The following FOXM1 variants were observed in gnomAD, a reference collection of about 807,000 sequenced individuals.
FOXM1 encodes forkhead box protein M1.
A neutral mutation model predicts 63.6 loss-of-function variants in FOXM1; 25 were observed. That is an observed-to-expected ratio of 0.39 (90% confidence interval 0.29 to 0.55). The LOEUF (loss-of-function observed/expected upper bound fraction) is 0.55. Among genes scored for constraint, FOXM1 ranks in the 20% least tolerant of loss-of-function variants. The pLI is 0.60. For missense variants in FOXM1, 879 were observed against 958.7 expected (o/e 0.92, Z 1.10); for synonymous variants, 387 against 376.9 (o/e 1.03, Z -0.31).
Position 2,872,362 on chromosome 12 carries a change from CA to C in FOXM1, c.503-116del, listed in dbSNP as rs1455822156. 1 of 1,107,042 alleles carries C rather than the reference CA, an allele frequency of 9.0e-7. No homozygotes were observed. Among genetic ancestry groups the C allele is most frequent in the Non-Finnish European group, 1.3e-6 (1 of 759,458 alleles). The allele number at this position is 1,107,042 out of a possible 1,614,324, so 68.6% of individuals were successfully genotyped here. On this transcript the variant is annotated intron_variant, in intron 2 of 8. Coordinates refer to ENST00000359843, the MANE Select transcript of FOXM1 (RefSeq NM_021953.4). The surrounding 1 kb of genome is among the most constrained non-coding windows in gnomAD (Gnocchi z 4.0). Reference sequence around the variant, plus strand: ...CAGTGGCTCACACCTGTAATCCTAGCACTTTGGGAGGGCGAGGCGGGTGGAT... The same window carrying C: ...CAGTGGCTCACACCTGTAATCCTAGCCTTTGGGAGGGCGAGGCGGGTGGAT...
chr12:2,858,830 G>C lies in FOXM1; in HGVS notation c.2100C>G (p.Pro700=), dbSNP rs757898539. ...GNSSPSDIDV[P]KPGSPEPQVS... is the part of the protein sequence containing the mutation. ...CCTGTGGCTCCGGGGAGCCTGGCTT[G>C]GGGACGTCTATATCTGAGGGAGAAG... is the stretch of plus-strand genomic sequence containing the variant. The change falls in exon 9 of 9, where the codon CCC becomes CCG. Residue 700 remains proline, a synonymous_variant. Transcript: ENST00000359843. 11 of 1,614,214 alleles carry C rather than the reference G, an allele frequency of 6.8e-6. No individual in the cohort carries two copies. Among genetic ancestry groups the C allele is most frequent in the Non-Finnish European group, 9.3e-6 (11 of 1,180,040 alleles).
chr12:2,875,446 G>A (rs1465198097), intron 1 of FOXM1, among the ~76,000 whole-genome samples: 3 of 152,208 alleles, frequency 2.0e-5, no homozygotes, highest in Non-Finnish European at 4.4e-5. Flanking sequence ...GAAGGCCCAT[G>A]TAAAGTTGTG....
intron 8 of FOXM1, among the ~76,000 whole-genome samples, chr12:2,863,103 C>A (rs1446091671): frequency 1.3e-5 from 2 of 152,136 alleles, no homozygotes; most frequent in African/African-American, 4.8e-5. Flanking sequence ...TGCCAGGGGA[C>A]ATTTGGCAAT....
chr12:2,858,771 T>C lies in FOXM1; in HGVS notation c.2159A>G (p.Glu720Gly), dbSNP rs145011914. 8 of 1,614,232 alleles carry C rather than the reference T, an allele frequency of 5.0e-6. No homozygotes were observed. Among genetic ancestry groups the C allele is most frequent in the Non-Finnish European group, 5.9e-6 (7 of 1,180,038 alleles). Residue 720 changes from glutamate (E) to glycine (G), a missense_variant, in exon 9 of 9, where the codon GAA (glutamate) becomes GGA (glycine). Physicochemically the swap from Glu to Gly is moderately conservative, Grantham distance 98. Transcript: ENST00000359843. ...ATTCATTGTGTCCAGGACCAGGCCT[T>C]CTGTCAGAGAACGATTGGCTGCAAG... is the stretch of plus-strand genomic sequence containing the variant. ...SGLAANRSLT[E>G]GLVLDTMNDS...
Position 2,858,841 on chromosome 12 carries a change from T to C in FOXM1, c.2089A>G (p.Ile697Val). 9 of 1,614,134 alleles carry C rather than the reference T, an allele frequency of 5.6e-6. No homozygotes were observed. Among genetic ancestry groups the C allele is most frequent in the Non-Finnish European group, 7.6e-6 (9 of 1,180,022 alleles). Residue 697 changes from isoleucine (I) to valine (V), a missense_variant, in exon 9 of 9, where the codon ATA (isoleucine) becomes GTA (valine). Ile to Val is a conservative substitution (Grantham distance 29, BLOSUM62 3). This residue lies in a region of FOXM1 where 486 missense variants were observed against 453.5 expected (regional missense o/e 1.07). Transcript: ENST00000359843. Reference sequence around the variant, plus strand: ...GGGGAGCCTGGCTTGGGGACGTCTATATCTGAGGGAGAAGAGTTGCCAAAG... The same window carrying C: ...GGGGAGCCTGGCTTGGGGACGTCTACATCTGAGGGAGAAGAGTTGCCAAAG... ...VPFGNSSPSDIDVPKPGSPEP... is the reference protein window; with the variant it reads ...VPFGNSSPSDVDVPKPGSPEP...
Position 2,864,546 on chromosome 12 carries a change from TCTC to T in FOXM1, c.1091-54_1091-52del, listed in dbSNP as rs1404646697. The T allele has an allele frequency of 3.1e-6, 5 of 1,589,568 alleles. No individual in the cohort carries two copies. The highest frequency in any genetic ancestry group is 3.4e-5 in the Admixed American group (2 of 58,998). ...AGCAGGGGGACTGGAGTACACCCCT[TCTC>T]AGCCCCAGGAGCTTTGCTCTCCTTC... On this transcript the variant is annotated intron_variant, in intron 7 of 8. Coordinates refer to ENST00000359843, the MANE Select transcript of FOXM1 (RefSeq NM_021953.4). This position sits in a 1 kb window ranked among gnomAD's most constrained non-coding sequence, Gnocchi z 5.1.
chr12:2,872,011 T>G lies in FOXM1; in HGVS notation c.654+85A>C, dbSNP rs1332806195. 106 of 1,410,634 alleles carry G rather than the reference T, an allele frequency of 7.5e-5. 2 individuals carry two copies. In the South Asian group the frequency reaches 1.0e-3, roughly 14 times the overall value. The allele number at this position is 1,410,634 out of a possible 1,614,324, so 87.4% of individuals were successfully genotyped here. A position where few individuals can be genotyped will look rare whatever the true frequency, so the allele number is the denominator to read the frequency against. On this transcript the variant is annotated intron_variant, in intron 3 of 8. Coordinates refer to ENST00000359843, the MANE Select transcript of FOXM1 (RefSeq NM_021953.4). The surrounding 1 kb of genome is among the most constrained non-coding windows in gnomAD (Gnocchi z 4.0). ...TAATACCAGAACTTGGAAATTCTGG[T>G]CCATCAGGCCACTTGATCCATTTCC...
intron 3 of FOXM1, among the ~76,000 whole-genome samples, chr12:2,871,836 T>C (rs2153939541): frequency 6.6e-6 from 1 of 152,294 alleles, no homozygotes; most frequent in South Asian, 2.1e-4. Flanking sequence ...CCTGAATACC[T>C]ACTAAGGACA....
intron 3 of FOXM1, among the ~76,000 whole-genome samples, chr12:2,870,953 G>C (rs1056182643): frequency 1.1e-5 from 1 of 92,270 alleles, no homozygotes; most frequent in Non-Finnish European, 1.9e-5. Context: ...GAAAGACTAC[G>C]TCTCAAAAAA....
At chr12:2,868,850 T>C (rs2098128157) in intron 3 of FOXM1, 96 bp from the exon 4 acceptor site, 1 of 921,370 alleles carries the variant, frequency 1.1e-6, no homozygotes, top group East Asian at 2.5e-5. Context: ...CTTTATCCCA[T>C]AGGACGGTCT....
Position 2,864,510 on chromosome 12 carries a change from G to A in FOXM1, c.1091-15C>T, listed in dbSNP as rs766505107. The A allele has an allele frequency of 1.2e-5, 20 of 1,606,500 alleles. No homozygotes were observed. The highest frequency in any genetic ancestry group is 2.2e-5 in the East Asian group (1 of 44,678). ...CATCTTCCGCCCTAGGAGGAAACAC[G>A]AGAGATCAGGAGCAGGGGGACTGGA... On this transcript the variant is annotated splice_polypyrimidine_tract_variant and intron_variant, in intron 7 of 8. Transcript: ENST00000359843. This position sits in a 1 kb window ranked among gnomAD's most constrained non-coding sequence, Gnocchi z 5.1.
At chr12:2,861,034 G>T (rs2098111491) in intron 8 of FOXM1, among the ~76,000 whole-genome samples, 1 of 151,858 alleles carries the variant, frequency 6.6e-6, no homozygotes, top group Admixed American at 6.6e-5. Flanking sequence ...TGGGCGCAGT[G>T]GTGGGCGCCT....
Position 2,874,577 on chromosome 12 carries a change from AG to A in FOXM1, c.-47-53del. The A allele has an allele frequency of 7.8e-7, 1 of 1,281,024 alleles. No individual in the cohort carries two copies. The highest frequency in any genetic ancestry group is 1.1e-6 in the Non-Finnish European group (1 of 932,720). 79.4% of individuals were successfully genotyped at this position (1,281,024 alleles called of 1,614,324 possible). The stretch of plus-strand genomic sequence containing the variant: ...GTTAGAGATTGTTTAGGCTGAGAAG[AG>A]GTCCTTTTAGAGAAAGGTGCTCCTC... On this transcript the variant is annotated intron_variant, in intron 1 of 8. Coordinates refer to ENST00000359843, the MANE Select transcript of FOXM1 (RefSeq NM_021953.4). The surrounding 1 kb of genome is among the most constrained non-coding windows in gnomAD (Gnocchi z 4.3).
intron 4 of FOXM1, among the ~76,000 whole-genome samples, chr12:2,867,555 G>C (rs376627884): frequency 1.1e-4 from 17 of 151,816 alleles, no homozygotes; most frequent in African/African-American, 4.1e-4. Context: ...CCAGCTACTC[G>C]GGAAGCTGAG....
chr12:2,871,194 C>G (rs1261947818), intron 3 of FOXM1, among the ~76,000 whole-genome samples: 1 of 151,478 alleles, frequency 6.6e-6, no homozygotes, highest in African/African-American at 2.4e-5. Flanking sequence ...ACCCCCTGAA[C>G]CTAAAATAAA....
At chr12:2,862,839 G>A (rs988799318) in intron 8 of FOXM1, among the ~76,000 whole-genome samples, 3 of 151,760 alleles carry the variant, frequency 2.0e-5, no homozygotes, top group Non-Finnish European at 4.4e-5. Context: ...ACTGTGCATG[G>A]CCTAAAAGAT....
At chr12:2,873,398 CAA>C (rs1189846694) in intron 2 of FOXM1, among the ~76,000 whole-genome samples, 1,327 of 57,924 alleles carry the variant, frequency 0.023, 22 homozygotes, top group African/African-American at 0.061. Flanking sequence ...GACTCCATCT[CAA>C]AAAAAAAAAA....
chr12:2,873,260 G>A (rs2098136238), intron 2 of FOXM1, among the ~76,000 whole-genome samples: 1 of 151,868 alleles, frequency 6.6e-6, no homozygotes. Context: ...TTAGCCAGGT[G>A]TGGTGGCGGG....
Position 2,868,584 on chromosome 12 carries a change from G to T in FOXM1, c.825C>A (p.His275Gln). 6.2e-7 allele frequency: 1 copy of T among 1,611,934 alleles called. No homozygotes were observed. The highest frequency in any genetic ancestry group is 8.5e-7 in the Non-Finnish European group (1 of 1,178,878). ...WIEDHFPYFK[H>Q]IAKPGWKNSI... ...TTACCTTCCAGCCTGGCTTGGCAAT[G>T]TGCTTAAAGTAGGGAAAGTGGTCCT... Residue 275 changes from histidine (H) to glutamine (Q), a missense_variant, in exon 4 of 9, where the codon CAC becomes CAA. Transcript: ENST00000359843.
Sources: gnomAD v4.1 joint callset for allele counts (sites outside exome capture counted in the v4.1 genomes callset) on GRCh38, gnomAD v4.1.1 for gene constraint, gnomAD v4.1.1 regional missense constraint, Gnocchi (gnomAD v3.1) non-coding constraint, MANE v1.5 for transcripts, NCBI Gene and HGNC (gene_info 2026-07-23, HGNC 2026-07-21) for gene names.